The following ITPRID1 variants were observed in gnomAD, a reference collection of about 807,000 sequenced individuals.
The protein encoded by ITPRID1 is ITPR interacting domain containing 1.
In ITPRID1, 96 loss-of-function variants were observed where a neutral mutation model predicts 95.4. The ratio of observed to expected loss-of-function variants is 1.01; its 90% CI spans 0.85 to 1.19. The LOEUF (loss-of-function observed/expected upper bound fraction) is 1.19. Ranked by LOEUF, ITPRID1 falls within the 50% of genes most tolerant of loss-of-function variation. The probability of loss-of-function intolerance (pLI) is 0.00; values close to 1 mark genes in which losing one functional copy is unlikely to be tolerated. For synonymous variants in ITPRID1, 510 were observed against 453.6 expected (o/e 1.12, Z -1.58); for missense variants, 1,339 against 1,252.9 (o/e 1.07, Z -1.04).
At chr7:31,620,493 C>T (rs1051544515) in intron 10 of ITPRID1, among the ~76,000 whole-genome samples, 1 of 151,404 alleles carries the variant, frequency 6.6e-6, no homozygotes, top group African/African-American at 2.4e-5. Context: ...GATACCCAGG[C>T]AAACAGGGTC....
At chr7:31,580,283 A>G (rs1044193814) in intron 9 of ITPRID1, among the ~76,000 whole-genome samples, 1 of 133,968 alleles carries the variant, frequency 7.5e-6, no homozygotes, top group Non-Finnish European at 1.6e-5. Flanking sequence ...AGACAACAAG[A>G]GCAAAACTCT....
chr7:31,654,334 G>A lies in ITPRID1; in HGVS notation c.*1505G>A, dbSNP rs1791186641. On this transcript the variant is annotated 3_prime_UTR_variant, in exon 15 of 15. Transcript: ENST00000615280. ...GAGATAGCCAGTGCTGCTCAGTGCGGTGGGGCATGGAGATGGAGGGAGGGG... is the reference window on the plus strand; with the variant it reads ...GAGATAGCCAGTGCTGCTCAGTGCGATGGGGCATGGAGATGGAGGGAGGGG... Among the ~76,000 whole-genome samples the A allele has an allele frequency of 1.3e-5, 2 of 152,176 alleles. No individual in the cohort carries two copies. The highest frequency in any genetic ancestry group is 1.3e-4 in the Admixed American group (2 of 15,280).
At chr7:31,644,277 C>T (rs1190585573) in intron 12 of ITPRID1, among the ~76,000 whole-genome samples, 3 of 115,742 alleles carry the variant, frequency 2.6e-5, no homozygotes, top group Non-Finnish European at 5.7e-5. Flanking sequence ...AACTCATCTC[C>T]AGTTCTAGCT....
At chr7:31,567,989 G>C (rs556521237) in intron 5 of ITPRID1, among the ~76,000 whole-genome samples, 1 of 151,968 alleles carries the variant, frequency 6.6e-6, no homozygotes, top group Non-Finnish European at 1.5e-5. Flanking sequence ...AGACGGACAT[G>C]GTGGTACACA....
intron 1 of ITPRID1, among the ~76,000 whole-genome samples, chr7:31,523,638 G>C (rs1362622391): frequency 6.6e-6 from 1 of 152,212 alleles, no homozygotes; most frequent in Non-Finnish European, 1.5e-5. Context: ...GAATTCTCAA[G>C]CGATCTGGTT....
intron 10 of ITPRID1, among the ~76,000 whole-genome samples, chr7:31,588,506 C>G (rs1395344076): frequency 6.6e-6 from 1 of 151,490 alleles, no homozygotes; most frequent in African/African-American, 2.4e-5. Flanking sequence ...TGGTGGGTGC[C>G]TGTAATTCCA....
intron 10 of ITPRID1, among the ~76,000 whole-genome samples, chr7:31,640,963 T>C (rs1339269503): frequency 1.3e-5 from 2 of 152,200 alleles, no homozygotes; most frequent in Non-Finnish European, 2.9e-5. Context: ...TGTTTAATTA[T>C]ACAAAATTGA....
At chr7:31,619,429 CCTAA>C (rs1787585534) in intron 10 of ITPRID1, among the ~76,000 whole-genome samples, 1 of 152,042 alleles carries the variant, frequency 6.6e-6, no homozygotes, top group South Asian at 2.1e-4. Flanking sequence ...GTAACATGTT[CCTAA>C]CTTATTGTTT....
rs796069616 is a variant in ITPRID1 at position 31,586,574 on chromosome 7, A to C, written c.1228+3383A>C. Among the ~76,000 whole-genome samples the C allele has an allele frequency of 4.8e-5, 7 of 146,830 alleles. No homozygotes were observed. In the East Asian group the frequency reaches 8.4e-4, roughly 18 times the overall value. On this transcript the variant is annotated intron_variant, in intron 10 of 14. Coordinates refer to ENST00000615280, the MANE Select transcript of ITPRID1 (RefSeq NM_001257967.3). The stretch of plus-strand genomic sequence containing the variant: ...GTATCTCATTGTGGTTTTGATTTGC[A>C]TTTCTCTGATGGCCAGTGATGATGA...
intron 9 of ITPRID1, 42 bp from the exon 10 acceptor site, chr7:31,583,092 T>A (rs770103750): frequency 2.1e-6 from 3 of 1,440,622 alleles, no homozygotes. Context: ...TGAATTTATT[T>A]GACAAAATTT....
intron 1 of ITPRID1, among the ~76,000 whole-genome samples, chr7:31,527,644 G>C (rs1338950893): frequency 6.6e-6 from 1 of 151,962 alleles, no homozygotes; most frequent in Non-Finnish European, 1.5e-5. Flanking sequence ...CATAGACTCT[G>C]TAATTTCCAG....
intron 5 of ITPRID1, among the ~76,000 whole-genome samples, chr7:31,556,967 C>T (rs1784468127): frequency 6.6e-6 from 1 of 151,958 alleles, no homozygotes; most frequent in Non-Finnish European, 1.5e-5. Flanking sequence ...TTTCTAGTTT[C>T]TGGTGGCTTT....
intron 10 of ITPRID1, among the ~76,000 whole-genome samples, chr7:31,627,577 G>A (rs761641566): frequency 5.6e-5 from 8 of 143,878 alleles, no homozygotes; most frequent in Admixed American, 7.5e-5. Flanking sequence ...AGGATTGCTT[G>A]AGCCCAGGAG....
At chr7:31,583,478 A>C (rs912328144) in intron 10 of ITPRID1, among the ~76,000 whole-genome samples, 2 of 152,064 alleles carry the variant, frequency 1.3e-5, no homozygotes, top group Non-Finnish European at 1.5e-5. Context: ...ATACAAAAAA[A>C]ATTAGCTGGC....
chr7:31,658,060 C>T (rs1727161547), downstream of ITPRID1, among the ~76,000 whole-genome samples: 1 of 152,186 alleles, frequency 6.6e-6, no homozygotes, highest in Non-Finnish European at 1.5e-5. Context: ...ACTCAAGTCA[C>T]ATCTTTTCCT....
intron 5 of ITPRID1, 33 bp from the exon 6 acceptor site, chr7:31,569,723 AAT>A (rs764724903): frequency 6.5e-7 from 1 of 1,548,210 alleles, no homozygotes. Flanking sequence ...GATAAAACGA[AAT>A]AAAGTTCCCC....
chr7:31,554,865 G>C lies in ITPRID1; in HGVS notation c.220G>C (p.Ala74Pro). Residue 74 changes from alanine (A) to proline (P), a missense_variant, in exon 5 of 15, where the codon GCA becomes CCA. Coordinates refer to ENST00000615280, the MANE Select transcript of ITPRID1 (RefSeq NM_001257967.3). Reference sequence around the variant, plus strand: ...ACTTTTGTTTCTTTACAGTGTCTCTGCAAATGAAAACTTTCAACAAGTCAT... The same window carrying C: ...ACTTTTGTTTCTTTACAGTGTCTCTCCAAATGAAAACTTTCAACAAGTCAT... ...QWLDSGFFVSANENFQQVIDR... is the reference protein window; with the variant it reads ...QWLDSGFFVSPNENFQQVIDR... 1 of 1,577,468 alleles carries C rather than the reference G, an allele frequency of 6.3e-7. No homozygotes were observed. Among genetic ancestry groups the C allele is most frequent in the Non-Finnish European group, 8.6e-7 (1 of 1,159,094 alleles).
At chr7:31,539,027 G>A (rs1320776709) in intron 1 of ITPRID1, among the ~76,000 whole-genome samples, 1 of 151,992 alleles carries the variant, frequency 6.6e-6, no homozygotes, top group Admixed American at 6.6e-5. Flanking sequence ...TCATTTCTTT[G>A]TCACATTGAG....
chr7:31,635,945 T>A (rs1174156614), intron 10 of ITPRID1, among the ~76,000 whole-genome samples: 7 of 152,088 alleles, frequency 4.6e-5, no homozygotes, highest in South Asian at 4.1e-4. Flanking sequence ...TAATTTTTTT[T>A]AAAAAAAGAA....
Sources: allele counts gnomAD v4.1 joint callset (sites outside exome capture counted in the v4.1 genomes callset), GRCh38; gene constraint gnomAD v4.1.1; transcripts MANE v1.5; gene names NCBI Gene and HGNC (gene_info 2026-07-23, HGNC 2026-07-21).